Variants in JADE2 observed in about 807,000 individuals in gnomAD.
The protein encoded by JADE2 is E3 ubiquitin-protein ligase Jade-2.
In JADE2, 13 loss-of-function variants were observed where a neutral mutation model predicts 85.7. That is an observed-to-expected ratio of 0.15 (90% CI 0.10 to 0.24). The LOEUF is 0.24. Ranked by LOEUF, JADE2 falls within the 10% of genes least tolerant of loss-of-function variation. The pLI, the probability that JADE2 is intolerant of heterozygous loss-of-function variation, is 1.00. For synonymous variants in JADE2, 440 were observed against 456.1 expected (o/e 0.96, Z 0.45); for missense variants, 846 against 1,115.9 (o/e 0.76, Z 3.45).
intron 3 of JADE2, among the ~76,000 whole-genome samples, chr5:134,548,539 G>A (rs1347291012): frequency 1.3e-5 from 2 of 152,172 alleles, no homozygotes; most frequent in East Asian, 1.9e-4. Context: ...CTCCCTGTGC[G>A]TCCATGATTC....
At chr5:134,573,218 A>G (rs549478009) in intron 9 of JADE2, among the ~76,000 whole-genome samples, 1 of 152,300 alleles carries the variant, frequency 6.6e-6, no homozygotes, top group South Asian at 2.1e-4. Flanking sequence ...AGGCAGAGGG[A>G]TGAGGTTGGT....
chr5:134,574,389 C>T (rs1224322951), intron 10 of JADE2: 2 of 162,610 alleles, frequency 1.2e-5, no homozygotes, highest in African/African-American at 2.4e-5. Flanking sequence ...ACACAGGGCC[C>T]TTCTTGGAGC....
At chr5:134,537,930 A>G (rs1448716971) in intron 2 of JADE2, 59 bp from the exon 3 acceptor site, 2 of 1,257,178 alleles carry the variant, frequency 1.6e-6, no homozygotes, top group African/African-American at 3.0e-5. Context: ...ATTCTTGGGC[A>G]TGAGTGGGTG....
chr5:134,527,523 T>A (rs1760930011), intron 1 of JADE2, among the ~76,000 whole-genome samples: 1 of 151,294 alleles, frequency 6.6e-6, no homozygotes, highest in Non-Finnish European at 1.5e-5. Flanking sequence ...CCCTTCCCGG[T>A]GTCTCTTAAA....
intron 1 of JADE2, among the ~76,000 whole-genome samples, chr5:134,534,440 A>C (rs1397051978): frequency 2.6e-5 from 4 of 152,036 alleles, no homozygotes; most frequent in Non-Finnish European, 4.4e-5. Context: ...AGGCAGCCTC[A>C]ATGAGCCTTC....
chr5:134,535,565 TG>T (rs1350695778), intron 1 of JADE2, among the ~76,000 whole-genome samples: 1 of 152,160 alleles, frequency 6.6e-6, no homozygotes, highest in African/African-American at 2.4e-5. Flanking sequence ...CTATTCAGTT[TG>T]GGCTTGCTGA....
chr5:134,550,215 CAATT>C (rs1052815430), intron 3 of JADE2, among the ~76,000 whole-genome samples: 3 of 152,196 alleles, frequency 2.0e-5, no homozygotes, highest in African/African-American at 7.2e-5. Flanking sequence ...TTAGTCCTAA[CAATT>C]AAATTATATT....
At position 134,566,426 on chromosome 5, in the gene JADE2, T is replaced by G; in HGVS notation, c.1280T>G (p.Ile427Ser). 2 of 1,613,874 alleles carry G rather than the reference T, an allele frequency of 1.2e-6. No homozygotes were observed. The highest frequency in any genetic ancestry group is 1.7e-6 in the Non-Finnish European group (2 of 1,179,928). ...LDLAEALVDFIYQYWKLKRKA... is the reference protein window; with the variant it reads ...LDLAEALVDFSYQYWKLKRKA... ...CTGGCTGAGGCACTGGTCGACTTCA[T>G]CTACCAGTACTGGAAGCTGAAGAGG... Residue 427 changes from isoleucine to serine, a missense_variant, in exon 9 of 12, where the codon ATC (isoleucine) becomes AGC (serine). Ile to Ser is a moderately radical substitution (Grantham distance 142). Around this residue, in one of 9 missense-constraint regions of JADE2, gnomAD observed 88 missense variants for 140.6 expected, o/e 0.63. Transcript: ENST00000681547. The surrounding 1 kb of genome is among the most constrained non-coding windows in gnomAD (Gnocchi z 6.7).
intron 2 of JADE2, among the ~76,000 whole-genome samples, 195 bp from the exon 3 acceptor site, chr5:134,537,794 G>A (rs1761690588): frequency 6.6e-6 from 1 of 152,148 alleles, no homozygotes; most frequent in Non-Finnish European, 1.5e-5. Context: ...TCTGGTTGGC[G>A]AGTAGAGGAG....
intron 6 of JADE2, among the ~76,000 whole-genome samples, chr5:134,561,303 T>G (rs1242823713): frequency 6.6e-6 from 1 of 152,238 alleles, no homozygotes; most frequent in African/African-American, 2.4e-5. Flanking sequence ...GCTGCCAGAT[T>G]TCAAATCGTG....
chr5:134,576,374 A>G (rs529676641), intron 10 of JADE2, among the ~76,000 whole-genome samples: 8 of 152,260 alleles, frequency 5.3e-5, no homozygotes, highest in African/African-American at 1.9e-4. Context: ...ATGGAACCCA[A>G]GCCTCTTGAC....
intron 8 of JADE2, among the ~76,000 whole-genome samples, chr5:134,565,263 G>C (rs903808318): frequency 9.9e-5 from 15 of 152,216 alleles, no homozygotes; most frequent in African/African-American, 3.6e-4. Flanking sequence ...GTAAACGTTA[G>C]TTGTGCCTTC....
intron 10 of JADE2, among the ~76,000 whole-genome samples, chr5:134,576,161 TG>T (rs1258517361): frequency 1.3e-5 from 2 of 152,156 alleles, no homozygotes; most frequent in Non-Finnish European, 2.9e-5. Context: ...ATTGTACTAC[TG>T]CGCTCCATCA....
chr5:134,527,284 G>C (rs1035347407), intron 1 of JADE2, among the ~76,000 whole-genome samples: 45 of 152,146 alleles, frequency 3.0e-4, no homozygotes, highest in African/African-American at 1.0e-3. Flanking sequence ...CCGCCTGGGT[G>C]CAGACTTGTG....
chr5:134,535,499 C>T (rs944281142), intron 1 of JADE2, among the ~76,000 whole-genome samples: 9 of 152,262 alleles, frequency 5.9e-5, no homozygotes, highest in African/African-American at 2.2e-4. Flanking sequence ...GAGGCCTTTG[C>T]AGTGGTGGGC....
At chr5:134,570,359 C>G (rs968334531) in intron 9 of JADE2, among the ~76,000 whole-genome samples, 6 of 152,036 alleles carry the variant, frequency 3.9e-5, no homozygotes, top group Non-Finnish European at 7.3e-5. Context: ...CCAGCCCACA[C>G]CTGCAGCTGA....
chr5:134,556,247 G>A (rs1762904833), intron 4 of JADE2, among the ~76,000 whole-genome samples: 1 of 152,230 alleles, frequency 6.6e-6, no homozygotes, highest in Admixed American at 6.5e-5. Flanking sequence ...AGGCTCCGAA[G>A]CAATAACCAT....
In JADE2 at chr5:134,579,393, A is replaced by G. The variant is rs1764591264; in HGVS notation, c.*76A>G. 1.7e-6 allele frequency: 2 copies of G among 1,202,874 alleles called. No homozygotes were observed. Among genetic ancestry groups the G allele is most frequent in the Non-Finnish European group, 2.3e-6 (2 of 875,482 alleles). The allele number at this position is 1,202,874 out of a possible 1,614,324, so 74.5% of individuals were successfully genotyped here. A position where few individuals can be genotyped will look rare whatever the true frequency, so the allele number is the denominator to read the frequency against. On this transcript the variant is annotated 3_prime_UTR_variant, in exon 12 of 12. Coordinates refer to ENST00000681547, the MANE Select transcript of JADE2 (RefSeq NM_001388185.1). This position sits in a 1 kb window ranked among gnomAD's most constrained non-coding sequence, Gnocchi z 4.6. ...CAGCCCAGTCACAACTGCCATTTCC[A>G]GTCTCTGCTGAGTGTCCCAGACCCT...
chr5:134,545,907 A>G (rs938694011), intron 3 of JADE2, among the ~76,000 whole-genome samples: 40 of 152,304 alleles, frequency 2.6e-4, no homozygotes, highest in South Asian at 6.2e-4. Context: ...TTCCAGCTCT[A>G]CGTTGGGACT....
Sources: gnomAD v4.1 joint callset for allele counts (sites outside exome capture counted in the v4.1 genomes callset) on GRCh38, gnomAD v4.1.1 for gene constraint, gnomAD v4.1.1 regional missense constraint, Gnocchi (gnomAD v3.1) non-coding constraint, MANE v1.5 for transcripts, NCBI Gene and HGNC (gene_info 2026-07-23, HGNC 2026-07-21) for gene names.